The following BNC2 variants were observed in gnomAD, a reference collection of about 807,000 sequenced individuals.
BNC2 encodes basonuclin zinc finger protein 2, also known as zinc finger protein basonuclin-2.
A neutral mutation model predicts 76.3 loss-of-function variants in BNC2; 20 were observed. The ratio of observed to expected loss-of-function variants is 0.26; its 90% CI spans 0.18 to 0.38. The LOEUF (loss-of-function observed/expected upper bound fraction) is 0.38. Among genes scored for constraint, BNC2 ranks in the 10% least tolerant of loss-of-function variants. The pLI, the probability that BNC2 is intolerant of heterozygous loss-of-function variation, is 1.00. For missense variants in BNC2, 1,382 were observed against 1,399.8 expected, an observed-to-expected ratio of 0.99 and a Z score of 0.20; for synonymous variants, 582 against 514.8, an observed-to-expected ratio of 1.13 and a Z score of -1.77.
chr9:16,685,102 G>A (rs1469461409), intron 3 of BNC2, among the ~76,000 whole-genome samples: 3 of 152,176 alleles, frequency 2.0e-5, no homozygotes, highest in Admixed American at 6.5e-5. Context: ...AGTCTTAGAA[G>A]ATGAAAGCTA....
chr9:16,869,927 T>C (rs1586949556), intron 1 of BNC2, among the ~76,000 whole-genome samples: 1 of 151,978 alleles, frequency 6.6e-6, no homozygotes, highest in African/African-American at 2.4e-5. Context: ...AGGCCCCAAA[T>C]CCCACCCTCC....
intron 5 of BNC2, among the ~76,000 whole-genome samples, chr9:16,469,992 CTTTTTTTTTTTTTT>C (rs201134930): frequency 8.7e-6 from 1 of 114,952 alleles, no homozygotes. Flanking sequence ...TAATGGCATT[CTTTTTTTTTTTTTT>C]TTTTTTTTTG....
intron 3 of BNC2, among the ~76,000 whole-genome samples, chr9:16,630,642 A>G (rs1276273434): frequency 6.6e-6 from 1 of 152,136 alleles, no homozygotes; most frequent in African/African-American, 2.4e-5. Flanking sequence ...CCTTTTTTTA[A>G]ACAGTGTGAG....
At chr9:16,855,683 G>A (rs970801797) in intron 1 of BNC2, among the ~76,000 whole-genome samples, 6 of 150,636 alleles carry the variant, frequency 4.0e-5, no homozygotes, top group South Asian at 2.1e-4. Context: ...GACTACAGGC[G>A]CCCGCGACCA....
chr9:16,592,599 C>T (rs1250251624), intron 3 of BNC2, among the ~76,000 whole-genome samples: 1 of 152,134 alleles, frequency 6.6e-6, no homozygotes, highest in African/African-American at 2.4e-5. Flanking sequence ...TCAGTGATAA[C>T]TGAACCTAAC....
At chr9:16,654,263 T>C (rs1372455331) in intron 3 of BNC2, among the ~76,000 whole-genome samples, 2 of 152,180 alleles carry the variant, frequency 1.3e-5, no homozygotes, top group Non-Finnish European at 2.9e-5. Flanking sequence ...CCCAACACCA[T>C]TTATTTTTGT....
intron 3 of BNC2, among the ~76,000 whole-genome samples, chr9:16,621,204 A>C (rs1461689082): frequency 1.3e-5 from 2 of 152,162 alleles, no homozygotes; most frequent in Non-Finnish European, 2.9e-5. Flanking sequence ...GACAGAGGGA[A>C]GACTTTGCCA....
At position 16,417,532 on chromosome 9, in the gene BNC2, T is replaced by TTTCAAA. The variant is rs1820610863; in HGVS notation, c.*1456_*1457insTTTGAA. On this transcript the variant is annotated 3_prime_UTR_variant, in exon 7 of 7. Transcript: ENST00000380672. Reference sequence around the variant, plus strand: ...AGCACATGTTTTCAAAGCTTCCAAGTACTGCTGCTGTTAAATGCCTTTTGA... The same window carrying TTTCAAA: ...AGCACATGTTTTCAAAGCTTCCAAGTTTCAAAACTGCTGCTGTTAAATGCCTTTTGA... 2.0e-5 allele frequency: 3 copies of TTTCAAA among 152,242 alleles called. No individual in the cohort carries two copies. The highest frequency in any genetic ancestry group is 4.1e-4 in the South Asian group (2 of 4,826). 9.4% of individuals were successfully genotyped at this position (152,242 alleles called of 1,614,324 possible). A position where few individuals can be genotyped will look rare whatever the true frequency, so the allele number is the denominator to read the frequency against.
chr9:16,509,401 T>C (rs940865302), intron 5 of BNC2, among the ~76,000 whole-genome samples: 1 of 152,220 alleles, frequency 6.6e-6, no homozygotes, highest in East Asian at 1.9e-4. Context: ...CATAAATGTC[T>C]CTAACTGTTG....
chr9:16,805,684 A>C (rs984576212), intron 1 of BNC2, among the ~76,000 whole-genome samples: 2 of 149,978 alleles, frequency 1.3e-5, no homozygotes, highest in Non-Finnish European at 2.9e-5. Context: ...GAACAAATTA[A>C]AGTACTTACA....
chr9:16,615,381 A>G (rs1168878110), intron 3 of BNC2, among the ~76,000 whole-genome samples: 2 of 152,136 alleles, frequency 1.3e-5, no homozygotes, highest in Non-Finnish European at 2.9e-5. Flanking sequence ...GTTTTGAGAG[A>G]TGATATATGC....
chr9:16,619,995 G>C (rs1040542054), intron 3 of BNC2, among the ~76,000 whole-genome samples: 11 of 152,182 alleles, frequency 7.2e-5, no homozygotes, highest in African/African-American at 2.7e-4. Flanking sequence ...ATGCACTCAG[G>C]AAATTAAGCC....
intron 5 of BNC2, among the ~76,000 whole-genome samples, chr9:16,470,143 G>A (rs941978056): frequency 1.3e-5 from 2 of 151,598 alleles, no homozygotes; most frequent in South Asian, 2.1e-4. Flanking sequence ...GACTACAGGC[G>A]CCCACCACCA....
chr9:16,641,427 G>A (rs1019730212), intron 3 of BNC2, among the ~76,000 whole-genome samples: 2 of 152,152 alleles, frequency 1.3e-5, no homozygotes, highest in African/African-American at 4.8e-5. Flanking sequence ...TAAATTTGCT[G>A]AGGCACTTTC....
chr9:16,440,853 C>A (rs1821112338), intron 5 of BNC2, among the ~76,000 whole-genome samples: 1 of 152,192 alleles, frequency 6.6e-6, no homozygotes, highest in Non-Finnish European at 1.5e-5. Context: ...TAGAACTTTG[C>A]TAGTTCCTGA....
chr9:16,468,019 T>C (rs1821730481), intron 5 of BNC2, among the ~76,000 whole-genome samples: 1 of 150,814 alleles, frequency 6.6e-6, no homozygotes, highest in Non-Finnish European at 1.5e-5. Context: ...GAAAAACTCC[T>C]AATCTCATTT....
intron 1 of BNC2, among the ~76,000 whole-genome samples, chr9:16,780,008 G>A (rs945602872): frequency 5.5e-5 from 8 of 146,180 alleles, no homozygotes; most frequent in South Asian, 4.4e-4. Flanking sequence ...AGGCCGAGGC[G>A]GGCGGATCAC....
chr9:16,806,593 G>C (rs1258984252), intron 1 of BNC2, among the ~76,000 whole-genome samples: 2 of 152,120 alleles, frequency 1.3e-5, no homozygotes, highest in Non-Finnish European at 2.9e-5. Context: ...GTATATGTTT[G>C]TCTGAAGGGG....
At chr9:16,801,334 C>G (rs1160790121) in intron 1 of BNC2, among the ~76,000 whole-genome samples, 1 of 152,050 alleles carries the variant, frequency 6.6e-6, no homozygotes, top group Non-Finnish European at 1.5e-5. Context: ...CAACCTCTGC[C>G]CCCTGGGTTC....
Sources: gnomAD v4.1 joint callset for allele counts (sites outside exome capture counted in the v4.1 genomes callset) on GRCh38, gnomAD v4.1.1 for gene constraint, MANE v1.5 for transcripts, NCBI Gene and HGNC (gene_info 2026-07-23, HGNC 2026-07-21) for gene names.